SSC5D: variants seen among roughly 807,000 people sequenced by gnomAD.
SSC5D encodes the protein scavenger receptor cysteine rich family member with 5 domains, also known as soluble scavenger receptor cysteine-rich domain-containing protein SSC5D.
Under a neutral mutation model 104.6 loss-of-function variants are expected in SSC5D, and 106 were observed. The observed-to-expected ratio is 1.01, with a 90% confidence interval of 0.87 to 1.19. The LOEUF (loss-of-function observed/expected upper bound fraction) is 1.19. SSC5D is among the 50% of genes most tolerant of loss of function. The pLI is 0.00. For synonymous variants in SSC5D, 860 were observed against 883.5 expected, an observed-to-expected ratio of 0.97 and a Z score of 0.47; for missense variants, 1,993 against 2,153.8, an observed-to-expected ratio of 0.93 and a Z score of 1.48.
rs1401201163 is a variant in SSC5D at position 55,493,766 on chromosome 19, G to A, written c.1067G>A (p.Gly356Asp). The change falls in exon 7 of 14, where the codon GGC becomes GAC. Residue 356 changes from glycine to aspartate, a missense_variant. Transcript: ENST00000389623. ...GCGGALAAPG[G>D]AFFGEGSGPI... ...GGAGGGGCGCTGGCCGCCCCCGGGG[G>A]CGCCTTCTTTGGGGAGGGGTCTGGA... 1 of 1,532,106 alleles carries A rather than the reference G, an allele frequency of 6.5e-7. No individual in the cohort carries two copies. The highest frequency in any genetic ancestry group is 2.5e-5 in the East Asian group (1 of 40,084). 94.9% of individuals were successfully genotyped at this position (1,532,106 alleles called of 1,614,324 possible).
chr19:55,510,354 T>C (rs1348523327), intron 12 of SSC5D, among the ~76,000 whole-genome samples: 1 of 151,810 alleles, frequency 6.6e-6, no homozygotes, highest in African/African-American at 2.4e-5. Context: ...AAATACATCT[T>C]TTTGGTTTTT....
At position 55,494,746 on chromosome 19, in the gene SSC5D, C is replaced by T; in HGVS notation, c.1350C>T (p.Ala450=). ...PGTAGVSPPP[A]SPTVLWEPGP... ...CGGCAGGCGTTTCACCTCCTCCAGCCTCCCCTACTGTCCTTTGGGAGCCTG... is the reference window on the plus strand; with the variant it reads ...CGGCAGGCGTTTCACCTCCTCCAGCTTCCCCTACTGTCCTTTGGGAGCCTG... The change falls in exon 8 of 14, where the codon GCC becomes GCT. Residue 450 remains alanine (A), a synonymous_variant. Coordinates refer to ENST00000389623, the MANE Select transcript of SSC5D (RefSeq NM_001144950.2). 1 of 1,549,724 alleles carries T rather than the reference C, an allele frequency of 6.5e-7. No individual in the cohort carries two copies. The highest frequency in any genetic ancestry group is 1.2e-5 in the South Asian group (1 of 83,970).
At chr19:55,502,963 G>A (rs1987544773) in intron 12 of SSC5D, among the ~76,000 whole-genome samples, 1 of 152,078 alleles carries the variant, frequency 6.6e-6, no homozygotes, top group Non-Finnish European at 1.5e-5. Flanking sequence ...TTACAGGCGT[G>A]TGCCACCACT....
intron 12 of SSC5D, among the ~76,000 whole-genome samples, chr19:55,510,693 G>A (rs1270945094): frequency 6.6e-6 from 1 of 151,846 alleles, no homozygotes; most frequent in African/African-American, 2.4e-5. Context: ...TTTTTCCCTG[G>A]ACTATTTTTT....
intron 13 of SSC5D, among the ~76,000 whole-genome samples, chr19:55,516,185 T>A (rs1461452412): frequency 7.0e-6 from 1 of 142,092 alleles, no homozygotes. Context: ...AAAAAACCCA[T>A]GATGAACTCG....
rs182495992 is a variant in SSC5D, at chr19:55,512,179, G to A, written c.2786-832G>A. On this transcript the variant is annotated intron_variant, in intron 12 of 13. Coordinates refer to ENST00000389623, the MANE Select transcript of SSC5D (RefSeq NM_001144950.2). ...TGCGCCACTGTACTCCATCCTGGGT[G>A]GCAGAGTGAGACTTGGTCTCAAAAA... is the stretch of plus-strand genomic sequence containing the variant. Among the ~76,000 whole-genome samples, 689 of 134,640 alleles carry A rather than the reference G, an allele frequency of 5.1e-3. 6 individuals are homozygous for A. Among genetic ancestry groups the A allele is most frequent in the Middle Eastern group, 0.011 (3 of 278 alleles). The allele number at this position is 134,640 out of a possible 152,430, so 88.3% of individuals were successfully genotyped here.
chr19:55,513,455 G>A (rs1314586357), intron 13 of SSC5D, among the ~76,000 whole-genome samples: 6 of 152,064 alleles, frequency 3.9e-5, no homozygotes, highest in South Asian at 2.1e-4. Context: ...TGGTACGCAC[G>A]TGTGGTCCCA....
chr19:55,517,120 T>G, intron 13 of SSC5D, 104 bp from the exon 14 acceptor site: 1 of 1,080,454 alleles, frequency 9.3e-7, no homozygotes, highest in South Asian at 1.5e-5. Context: ...GTCTCGAGGC[T>G]CTGTGCCTTT....
intron 3 of SSC5D, 34 bp downstream of exon 3, chr19:55,489,696 C>A: frequency 6.6e-7 from 1 of 1,521,924 alleles, no homozygotes; most frequent in Admixed American, 2.1e-5. Context: ...TCAGGGGGAG[C>A]TCCTTTGGAG....
chr19:55,488,512 T>G lies in SSC5D; in HGVS notation c.-78T>G, dbSNP rs1987016753. ...TCCAGCAGGCACTTCCCTCCCTCCCTCTCTCCCCAGCTGCCTCCTCCTCTT... is the reference window on the plus strand; with the variant it reads ...TCCAGCAGGCACTTCCCTCCCTCCCGCTCTCCCCAGCTGCCTCCTCCTCTT... On this transcript the variant is annotated 5_prime_UTR_variant, in exon 1 of 14. Coordinates refer to ENST00000389623, the MANE Select transcript of SSC5D (RefSeq NM_001144950.2). 7.6e-7 allele frequency: 1 copy of G among 1,316,172 alleles called. No individual in the cohort carries two copies. The highest frequency in any genetic ancestry group is 1.1e-6 in the Non-Finnish European group (1 of 940,398). 81.5% of individuals were successfully genotyped at this position (1,316,172 alleles called of 1,614,324 possible).
rs938185571 is a variant in SSC5D at position 55,497,948 on chromosome 19, C to T, written c.1456C>T (p.Gln486Ter). 1.4e-5 allele frequency: 22 copies of T among 1,551,642 alleles called. No individual in the cohort carries two copies. The African/African-American group carries it at 2.7e-4, about 19-fold the overall frequency. Reference sequence around the variant, plus strand: ...AGGTCGACTGGAGGTGTGGCATGACCAGCGCTGGGGGACCGTGTGTGACGA... The same window carrying T: ...AGGTCGACTGGAGGTGTGGCATGACTAGCGCTGGGGGACCGTGTGTGACGA... The part of the protein sequence containing the change: ...CSGRLEVWHD[Q>*]RWGTVCDDSW... Residue 486 changes from glutamine (Q) to a stop codon, truncating the protein, a stop_gained, in exon 9 of 14, where the codon CAG becomes TAG. Transcript: ENST00000389623. LOFTEE classifies it high-confidence loss of function.
chr19:55,500,078 C>G lies in SSC5D; in HGVS notation c.1968C>G (p.Ser656Arg), dbSNP rs149858998. The change falls in exon 10 of 14, where the codon AGC (serine) becomes AGG (arginine). Residue 656 changes from serine (S) to arginine (R), a missense_variant. Around this residue, in one of 6 missense-constraint regions of SSC5D, gnomAD observed 1,101 missense variants for 1,085.0 expected, o/e 1.01. Transcript: ENST00000389623. This position sits in a 1 kb window ranked among gnomAD's most constrained non-coding sequence, Gnocchi z 4.6. ...CCACGAAACACTCCAGGGCCCAAAG[C>G]CCCCCAGACCTAACCTCACAGACCA... ...MPTTKHSRAQSPPDLTSQTTA... is the reference protein window; with the variant it reads ...MPTTKHSRAQRPPDLTSQTTA... The G allele has an allele frequency of 3.2e-4, 491 of 1,551,524 alleles. 4 individuals are homozygous for G. The East Asian group carries it at 0.012, about 37-fold the overall frequency.
intron 12 of SSC5D, among the ~76,000 whole-genome samples, chr19:55,511,975 A>G (rs28603271): frequency 4.0e-5 from 6 of 151,870 alleles, no homozygotes; most frequent in Non-Finnish European, 8.8e-5. Context: ...CAAGCTTGTG[A>G]GTGGGTAAAC....
In SSC5D at chr19:55,500,671, C is replaced by A. The variant is rs1306316950; in HGVS notation, c.2484C>A (p.Gly828=). 2 of 1,551,648 alleles carry A rather than the reference C, an allele frequency of 1.3e-6. No homozygotes were observed. Among genetic ancestry groups the A allele is most frequent in the African/African-American group, 2.7e-5 (2 of 73,050 alleles). ...CTCGAGTAGGCAAAACCCATTACGGCCCTGGGACTGGGCCCATCTGGCTGG... is the reference window on the plus strand; with the variant it reads ...CTCGAGTAGGCAAAACCCATTACGGACCTGGGACTGGGCCCATCTGGCTGG... ...VRPRVGKTHY[G]PGTGPIWLDD... is the part of the protein sequence containing the mutation. The change falls in exon 11 of 14, where the codon GGC becomes GGA. Residue 828 remains glycine, a synonymous_variant. Coordinates refer to ENST00000389623, the MANE Select transcript of SSC5D (RefSeq NM_001144950.2). This position sits in a 1 kb window ranked among gnomAD's most constrained non-coding sequence, Gnocchi z 4.6.
chr19:55,503,361 T>C lies in SSC5D; in HGVS notation c.2785+2160T>C, dbSNP rs1241099317. Reference sequence around the variant, plus strand: ...CACCTCATACTCTCATCGTCTCCATTTCTCACTGCGTTCTCTCCCCAGGCC... The same window carrying C: ...CACCTCATACTCTCATCGTCTCCATCTCTCACTGCGTTCTCTCCCCAGGCC... On this transcript the variant is annotated intron_variant, in intron 12 of 13. Transcript: ENST00000389623. This position sits in a 1 kb window ranked among gnomAD's most constrained non-coding sequence, Gnocchi z 4.0. 6.6e-6 allele frequency among the ~76,000 whole-genome samples: 1 copy of C among 152,172 alleles called. No individual in the cohort carries two copies. Among genetic ancestry groups the C allele is most frequent in the African/African-American group, 2.4e-5 (1 of 41,446 alleles).
At position 55,517,124 on chromosome 19, in the gene SSC5D, T is replaced by G. The variant is rs1027778570; in HGVS notation, c.2948-100T>G. On this transcript the variant is annotated intron_variant, in intron 13 of 13. Transcript: ENST00000389623. ...TGACCCATGACGTCTCGAGGCTCTGTGCCTTTCCATTGGTCGGCTCCTCGA... is the reference window on the plus strand; with the variant it reads ...TGACCCATGACGTCTCGAGGCTCTGGGCCTTTCCATTGGTCGGCTCCTCGA... 1.2e-5 allele frequency: 14 copies of G among 1,123,614 alleles called. No individual in the cohort carries two copies. The African/African-American group carries it at 2.0e-4, about 16-fold the overall frequency. The allele number at this position is 1,123,614 out of a possible 1,614,324, so 69.6% of individuals were successfully genotyped here.
chr19:55,489,673 C>G lies in SSC5D; in HGVS notation c.361+11C>G, dbSNP rs114438653. 5,966 of 1,528,212 alleles carry G rather than the reference C, an allele frequency of 3.9e-3. 196 individuals carry two copies. The African/African-American group carries it at 0.071, about 18-fold the overall frequency. The allele number at this position is 1,528,212 out of a possible 1,614,324, so 94.7% of individuals were successfully genotyped here. ...GCGTCGTCTGCGCAGGTGAGGACAC[C>G]CTGGCTGCTCCTTCAGGGGGAGCTC... On this transcript the variant is annotated intron_variant, in intron 3 of 13. Coordinates refer to ENST00000389623, the MANE Select transcript of SSC5D (RefSeq NM_001144950.2).
At position 55,518,739 on chromosome 19, in the gene SSC5D, C is replaced by A. The variant is rs1161193661; in HGVS notation, c.4463C>A (p.Pro1488His). 2 of 1,550,906 alleles carry A rather than the reference C, an allele frequency of 1.3e-6. No homozygotes were observed. The highest frequency in any genetic ancestry group is 2.7e-5 in the African/African-American group (2 of 73,050). ...GTAAGGGTCATGGCTTGTGAGCCAC[C>A]TGCCCTGGTGGAGCTGGTGGCTGCT... ...PPVRVMACEP[P>H]ALVELVAAVR... Residue 1488 changes from proline (P) to histidine (H), a missense_variant, in exon 14 of 14, where the codon CCT (proline) becomes CAT (histidine). By Grantham distance (77) the Pro-to-His change is moderately conservative. Around this residue, in one of 6 missense-constraint regions of SSC5D, gnomAD observed 349 missense variants for 397.6 expected, o/e 0.88. Transcript: ENST00000389623.
In SSC5D at chr19:55,494,750, C is replaced by T. The variant is rs1359881078; in HGVS notation, c.1354C>T (p.Pro452Ser). 7.1e-6 allele frequency: 11 copies of T among 1,548,648 alleles called. No individual in the cohort carries two copies. The highest frequency in any genetic ancestry group is 9.6e-6 in the Non-Finnish European group (11 of 1,145,782). The change falls in exon 8 of 14, where the codon CCT becomes TCT. Residue 452 changes from proline to serine, a missense_variant. Pro to Ser is a moderately conservative substitution (Grantham distance 74). Coordinates refer to ENST00000389623, the MANE Select transcript of SSC5D (RefSeq NM_001144950.2). The part of the protein sequence containing the change: ...TAGVSPPPAS[P>S]TVLWEPGPEA... Reference sequence around the variant, plus strand: ...AGGCGTTTCACCTCCTCCAGCCTCCCCTACTGTCCTTTGGGAGCCTGGACC... The same window carrying T: ...AGGCGTTTCACCTCCTCCAGCCTCCTCTACTGTCCTTTGGGAGCCTGGACC...
Sources: gnomAD v4.1 joint callset for allele counts (sites outside exome capture counted in the v4.1 genomes callset) on GRCh38, gnomAD v4.1.1 for gene constraint, gnomAD v4.1.1 regional missense constraint, Gnocchi (gnomAD v3.1) non-coding constraint, MANE v1.5 for transcripts, NCBI Gene and HGNC (gene_info 2026-07-23, HGNC 2026-07-21) for gene names.